Variants in PRKCE observed in about 807,000 individuals in gnomAD.
The protein encoded by PRKCE is protein kinase C epsilon type.
In PRKCE, 16 loss-of-function variants were observed where a neutral mutation model predicts 85.4. The ratio of observed to expected loss-of-function variants is 0.19; its 90% confidence interval spans 0.13 to 0.28. PRKCE has a LOEUF of 0.28. Among genes scored for constraint, PRKCE ranks in the 10% least tolerant of loss-of-function variants. The probability of loss-of-function intolerance (pLI) is 1.00; values close to 1 mark genes in which losing one functional copy is unlikely to be tolerated. For missense variants in PRKCE, 573 were observed against 975.2 expected, an observed-to-expected ratio of 0.59 and a Z score of 5.49; for synonymous variants, 388 against 371.5, an observed-to-expected ratio of 1.04 and a Z score of -0.51.
chr2:46,163,321 G>A (rs1176151701), intron 14 of PRKCE, among the ~76,000 whole-genome samples: 1 of 151,674 alleles, frequency 6.6e-6, no homozygotes, highest in Non-Finnish European at 1.5e-5. Context: ...GGGAAGCTGA[G>A]GTGCACCCCA....
chr2:46,150,148 C>T lies in PRKCE; in HGVS notation c.1732-893C>T, dbSNP rs1676475142. On this transcript the variant is annotated intron_variant, in intron 12 of 14. Transcript: ENST00000306156. ...TACAGGTGTGAGCCATTGCGCCCAG[C>T]CAGAAAAGATGTCTTGTATTCAGTA... Among the ~76,000 whole-genome samples, 3 of 152,078 alleles carry T rather than the reference C, an allele frequency of 2.0e-5. No individual in the cohort carries two copies. The South Asian group carries it at 6.2e-4, about 32-fold the overall frequency.
chr2:45,903,360 C>T (rs1696712493), intron 2 of PRKCE, among the ~76,000 whole-genome samples: 1 of 152,162 alleles, frequency 6.6e-6, no homozygotes, highest in South Asian at 2.1e-4. Context: ...GACAGAGCAT[C>T]CCCTTTTCTT....
chr2:45,776,744 T>G (rs1379072819), intron 1 of PRKCE, among the ~76,000 whole-genome samples: 1 of 152,146 alleles, frequency 6.6e-6, no homozygotes, highest in African/African-American at 2.4e-5. Flanking sequence ...GAAGCCCAAA[T>G]GTGGTTTCAG....
At chr2:45,922,800 G>A (rs991784647) in intron 2 of PRKCE, among the ~76,000 whole-genome samples, 19 of 152,322 alleles carry the variant, frequency 1.2e-4, no homozygotes, top group South Asian at 2.1e-4. Flanking sequence ...GCAAACGGGT[G>A]TATCTTCCAG....
At chr2:45,933,712 G>A (rs959289129) in intron 2 of PRKCE, among the ~76,000 whole-genome samples, 1 of 151,974 alleles carries the variant, frequency 6.6e-6, no homozygotes, top group South Asian at 2.1e-4. Flanking sequence ...TCCTGACCTC[G>A]TGATCCGCCC....
At chr2:45,757,051 G>C (rs146901294) in intron 1 of PRKCE, among the ~76,000 whole-genome samples, 3,756 of 152,126 alleles carry the variant, frequency 0.025, 160 homozygotes, top group African/African-American at 0.086. Flanking sequence ...AGGAGTTTGA[G>C]ATCAGTCTGG....
At chr2:45,971,584 T>A (rs1055298917) in intron 2 of PRKCE, among the ~76,000 whole-genome samples, 1 of 152,218 alleles carries the variant, frequency 6.6e-6, no homozygotes, top group Non-Finnish European at 1.5e-5. Flanking sequence ...GAACACTGAG[T>A]CTTAGTGTAA....
chr2:46,044,365 T>A (rs923765533), intron 10 of PRKCE, among the ~76,000 whole-genome samples: 2 of 152,188 alleles, frequency 1.3e-5, no homozygotes, highest in African/African-American at 4.8e-5. Context: ...CTTAGGGTAA[T>A]CAGGGCAGGA....
chr2:45,787,018 G>T (rs1686653181), intron 1 of PRKCE, among the ~76,000 whole-genome samples: 1 of 152,198 alleles, frequency 6.6e-6, no homozygotes, highest in Non-Finnish European at 1.5e-5. Context: ...TGGATCCGAT[G>T]ATCCTATGGG....
intron 1 of PRKCE, among the ~76,000 whole-genome samples, chr2:45,838,132 C>G (rs1691044493): frequency 1.3e-5 from 2 of 152,166 alleles, no homozygotes; most frequent in Non-Finnish European, 2.9e-5. Context: ...GTCAAGGTGT[C>G]TGAGGTATTG....
intron 1 of PRKCE, among the ~76,000 whole-genome samples, chr2:45,661,214 G>T (rs113703349): frequency 2.0e-5 from 3 of 152,166 alleles, no homozygotes; most frequent in African/African-American, 7.2e-5. Context: ...ATGGAGTCTT[G>T]CTCTGTTGCC....
chr2:45,908,296 G>A (rs901487366), intron 2 of PRKCE, among the ~76,000 whole-genome samples: 1 of 152,198 alleles, frequency 6.6e-6, no homozygotes, highest in Non-Finnish European at 1.5e-5. Context: ...GAAGAAGCAA[G>A]TGCTGAAGAG....
intron 2 of PRKCE, among the ~76,000 whole-genome samples, chr2:45,943,808 C>G (rs1173290789): frequency 6.6e-6 from 1 of 152,210 alleles, no homozygotes; most frequent in Non-Finnish European, 1.5e-5. Context: ...CAGACAGCAG[C>G]AGGGGAGGCT....
At chr2:46,077,081 T>C (rs1668622733) in intron 10 of PRKCE, among the ~76,000 whole-genome samples, 1 of 152,178 alleles carries the variant, frequency 6.6e-6, no homozygotes. Context: ...CTGGGCAGCA[T>C]AGTGCCAATT....
chr2:46,047,788 A>G (rs7590029), intron 10 of PRKCE, among the ~76,000 whole-genome samples: 51 of 152,206 alleles, frequency 3.4e-4, no homozygotes, highest in African/African-American at 1.2e-3. Flanking sequence ...GATTTTTTCA[A>G]TAGGGAGGAT....
intron 1 of PRKCE, among the ~76,000 whole-genome samples, chr2:45,705,870 A>C (rs1246531782): frequency 1.3e-5 from 2 of 152,224 alleles, no homozygotes; most frequent in African/African-American, 4.8e-5. Context: ...TGTCCAGTGC[A>C]GTGGCTGTTG....
chr2:45,874,018 ATGGGGCAG>A (rs1227520449), intron 2 of PRKCE, among the ~76,000 whole-genome samples: 56 of 152,354 alleles, frequency 3.7e-4, no homozygotes, highest in African/African-American at 1.3e-3. Flanking sequence ...TCTCTGTAAA[ATGGGGCAG>A]TGTTCCCCAC....
intron 8 of PRKCE, among the ~76,000 whole-genome samples, chr2:46,005,144 A>G (rs1345838732): frequency 1.3e-5 from 2 of 152,202 alleles, no homozygotes; most frequent in African/African-American, 4.8e-5. Context: ...AGATGAAGCT[A>G]GAGGAGAGAC....
At chr2:45,975,103 G>C (rs1702357933) in intron 2 of PRKCE, among the ~76,000 whole-genome samples, 1 of 152,182 alleles carries the variant, frequency 6.6e-6, no homozygotes, top group Non-Finnish European at 1.5e-5. Flanking sequence ...CCACTGAGTA[G>C]CTGTGTTAAC....
Sources: gnomAD v4.1 joint callset for allele counts (sites outside exome capture counted in the v4.1 genomes callset) on GRCh38, gnomAD v4.1.1 for gene constraint, MANE v1.5 for transcripts, NCBI Gene and HGNC (gene_info 2026-07-23, HGNC 2026-07-21) for gene names.